Variants in PKP4 observed in about 807,000 individuals in gnomAD.
The protein encoded by PKP4 is plakophilin 4.
Under a neutral mutation model 145.1 loss-of-function variants are expected in PKP4, and 90 were observed. That is an observed-to-expected ratio of 0.62 (90% confidence interval 0.52 to 0.74). The LOEUF (loss-of-function observed/expected upper bound fraction) is 0.74, where lower values mean the gene tolerates loss of function less well. Ranked by LOEUF, PKP4 falls within the 30% of genes least tolerant of loss-of-function variation. The pLI is 0.00. For missense variants in PKP4, 1,340 were observed against 1,482.7 expected (o/e 0.90, Z 1.58); for synonymous variants, 563 against 577.2 (o/e 0.98, Z 0.35).
At chr2:158,474,575 G>A (rs1048384659) in intron 1 of PKP4, among the ~76,000 whole-genome samples, 5 of 152,272 alleles carry the variant, frequency 3.3e-5, no homozygotes, top group East Asian at 1.9e-4. Flanking sequence ...AATGTTTTCC[G>A]TAATTCATTT....
chr2:158,573,682 A>G (rs2047601711), intron 2 of PKP4, among the ~76,000 whole-genome samples: 1 of 150,206 alleles, frequency 6.7e-6, no homozygotes, highest in Non-Finnish European at 1.5e-5. Context: ...ACTGTTTCAG[A>G]TTGAATTCTC....
chr2:158,600,324 A>T (rs1020597352), intron 3 of PKP4, among the ~76,000 whole-genome samples: 1 of 152,206 alleles, frequency 6.6e-6, no homozygotes, highest in Non-Finnish European at 1.5e-5. Flanking sequence ...TTCACATTCC[A>T]GTGGAAGCTC....
intron 15 of PKP4, 112 bp downstream of exon 15, chr2:158,663,557 C>A: frequency 1.1e-6 from 1 of 898,016 alleles, no homozygotes. Context: ...GAAAGGGTCA[C>A]AGCTACTTAG....
rs2105933863 is a variant in PKP4 at position 158,642,490 on chromosome 2, G to A, written c.1700G>A (p.Cys567Tyr). The A allele has an allele frequency of 6.2e-7, 1 of 1,600,496 alleles. No individual in the cohort carries two copies. Among genetic ancestry groups the A allele is most frequent in the Non-Finnish European group, 8.5e-7 (1 of 1,170,480 alleles). The change falls in exon 11 of 22, where the codon TGT becomes TAT. Residue 567 changes from cysteine (C) to tyrosine (Y), a missense_variant. Transcript: ENST00000389759. Reference sequence around the variant, plus strand: ...ACCTAATATTTTTCATTCTAGGTGTGTAGGTTAGGGGGAATCAAGCATCTG... The same window carrying A: ...ACCTAATATTTTTCATTCTAGGTGTATAGGTTAGGGGGAATCAAGCATCTG... ...FGDNKVKMEVCRLGGIKHLVD... is the reference protein window; with the variant it reads ...FGDNKVKMEVYRLGGIKHLVD...
chr2:158,610,562 T>C (rs988443117), intron 4 of PKP4, among the ~76,000 whole-genome samples: 3 of 152,198 alleles, frequency 2.0e-5, no homozygotes, highest in African/African-American at 7.2e-5. Flanking sequence ...TAAAAATAGC[T>C]ACACACAGTA....
At chr2:158,671,919 A>G (rs979083781) in intron 17 of PKP4, among the ~76,000 whole-genome samples, 5 of 152,228 alleles carry the variant, frequency 3.3e-5, no homozygotes, top group Admixed American at 2.6e-4. Flanking sequence ...GGGAAGGAAC[A>G]GTGCAGCTCC....
intron 3 of PKP4, among the ~76,000 whole-genome samples, chr2:158,594,778 GC>G (rs1042427772): frequency 1.2e-4 from 18 of 152,312 alleles, no homozygotes; most frequent in African/African-American, 4.3e-4. Context: ...AAGGAGGATT[GC>G]TTTCAGAATA....
intron 12 of PKP4, 116 bp from the exon 13 acceptor site, chr2:158,661,217 C>T (rs755575078): frequency 1.3e-5 from 9 of 705,184 alleles, no homozygotes; most frequent in Admixed American, 1.9e-5. Flanking sequence ...GTGCCTCCTC[C>T]GACCTCTAAG....
At chr2:158,567,114 T>G (rs775254026) in intron 2 of PKP4, among the ~76,000 whole-genome samples, 2 of 151,972 alleles carry the variant, frequency 1.3e-5, no homozygotes, top group Non-Finnish European at 1.5e-5. Flanking sequence ...TTTCTGGGTT[T>G]GTTGTTGTTG....
chr2:158,534,106 A>G (rs74576043), intron 2 of PKP4, among the ~76,000 whole-genome samples: 2,559 of 152,096 alleles, frequency 0.017, 34 homozygotes, highest in Non-Finnish European at 0.028. Context: ...AAGTTTTTTT[A>G]AAACATCTTA....
At chr2:158,651,353 A>G (rs59520356) in intron 11 of PKP4, among the ~76,000 whole-genome samples, 10,585 of 151,980 alleles carry the variant, frequency 0.07, 896 homozygotes, top group African/African-American at 0.2. Flanking sequence ...AATTCTCACT[A>G]CAGGCACTTC....
intron 11 of PKP4, among the ~76,000 whole-genome samples, chr2:158,655,593 C>T (rs775016629): frequency 4.6e-5 from 7 of 152,164 alleles, no homozygotes; most frequent in African/African-American, 1.7e-4. Context: ...TTTCCATAAA[C>T]CTTGCCTTGC....
At chr2:158,532,368 A>T (rs1379003509) in intron 1 of PKP4, among the ~76,000 whole-genome samples, 2 of 152,194 alleles carry the variant, frequency 1.3e-5, no homozygotes, top group Non-Finnish European at 2.9e-5. Flanking sequence ...TCATGTATTC[A>T]TTTATTTAGC....
chr2:158,509,810 G>T (rs1175180346), intron 1 of PKP4, among the ~76,000 whole-genome samples: 1 of 152,234 alleles, frequency 6.6e-6, no homozygotes, highest in African/African-American at 2.4e-5. Flanking sequence ...AGCCAGGCGT[G>T]GTGGCACATG....
chr2:158,532,238 A>T (rs1418861241), intron 1 of PKP4, among the ~76,000 whole-genome samples: 1 of 152,204 alleles, frequency 6.6e-6, no homozygotes, highest in Admixed American at 6.5e-5. Context: ...ATAGTCTCAG[A>T]TGTCCCTATT....
At chr2:158,540,657 TTTTAG>T (rs753074574) in intron 2 of PKP4, among the ~76,000 whole-genome samples, 23 of 152,174 alleles carry the variant, frequency 1.5e-4, no homozygotes, top group Non-Finnish European at 2.5e-4. Context: ...TTTTGCCCCC[TTTTAG>T]TTTAAACAGG....
intron 7 of PKP4, among the ~76,000 whole-genome samples, chr2:158,631,468 C>T (rs1412731674): frequency 1.3e-5 from 2 of 151,954 alleles, no homozygotes; most frequent in Admixed American, 6.6e-5. Context: ...ACTGCAGCCT[C>T]GACATTCTGG....
chr2:158,655,557 A>T (rs548237204), intron 11 of PKP4, among the ~76,000 whole-genome samples: 1 of 84,712 alleles, frequency 1.2e-5, no homozygotes, highest in African/African-American at 2.7e-5. Flanking sequence ...TATATATCCA[A>T]TATTATAGTA....
At position 158,678,470 on chromosome 2, in the gene PKP4, A is replaced by AAGAC. The variant is rs969282116; in HGVS notation, c.3257-108_3257-105dup. Reference sequence around the variant, plus strand: ...CTCCCAGCCCGCATTGGCACTGGGGAAGACAGGCCCTGTCGGGGACAGTGC... The same window carrying AAGAC: ...CTCCCAGCCCGCATTGGCACTGGGGAAGACAGACAGGCCCTGTCGGGGACAGTGC... On this transcript the variant is annotated intron_variant, in intron 20 of 21. Transcript: ENST00000389759. 3.4e-5 allele frequency: 26 copies of AAGAC among 768,778 alleles called. No individual in the cohort carries two copies. In the African/African-American group the frequency reaches 3.5e-4, roughly 10 times the overall value. The allele number at this position is 768,778 out of a possible 1,614,324, so 47.6% of individuals were successfully genotyped here. A position where few individuals can be genotyped will look rare whatever the true frequency, so the allele number is the denominator to read the frequency against.
Sources: allele counts gnomAD v4.1 joint callset (sites outside exome capture counted in the v4.1 genomes callset), GRCh38; gene constraint gnomAD v4.1.1; transcripts MANE v1.5; gene names NCBI Gene and HGNC (gene_info 2026-07-23, HGNC 2026-07-21).